The following CPED1 variants were observed in gnomAD, a reference collection of about 807,000 sequenced individuals.
CPED1 encodes the protein cadherin like and PC-esterase domain containing 1.
In CPED1, 114 loss-of-function variants were observed where a neutral mutation model predicts 128.2. That is an observed-to-expected ratio of 0.89 (90% CI 0.76 to 1.04). The LOEUF (loss-of-function observed/expected upper bound fraction) is 1.04. CPED1 is among the 50% of genes least tolerant of loss of function. The pLI is 0.00. For synonymous variants in CPED1, 462 were observed against 426.7 expected (o/e 1.08, Z -1.02); for missense variants, 1,211 against 1,207.1 (o/e 1.00, Z -0.05).
chr7:121,189,187 A>T (rs1797070753), intron 16 of CPED1, among the ~76,000 whole-genome samples: 1 of 152,158 alleles, frequency 6.6e-6, no homozygotes, highest in African/African-American at 2.4e-5. Context: ...GATGAAGGAT[A>T]CTTTGAAGCC....
chr7:121,163,447 A>AGT (rs1243294932), intron 16 of CPED1, among the ~76,000 whole-genome samples: 9 of 152,334 alleles, frequency 5.9e-5, no homozygotes, highest in Admixed American at 1.3e-4. Context: ...CTGCAGGCAA[A>AGT]GTACCACCCC....
chr7:121,151,354 TAAG>T (rs1796154114), intron 16 of CPED1, among the ~76,000 whole-genome samples: 1 of 152,184 alleles, frequency 6.6e-6, no homozygotes, highest in South Asian at 2.1e-4. Flanking sequence ...ACACACATAA[TAAG>T]GACAGTTTCA....
chr7:121,182,901 T>A (rs540516680), intron 16 of CPED1, among the ~76,000 whole-genome samples: 61 of 152,204 alleles, frequency 4.0e-4, no homozygotes, highest in African/African-American at 1.5e-3. Context: ...AATATTAGTT[T>A]CCTCCTTTTT....
At chr7:121,185,564 G>A (rs1465172586) in intron 16 of CPED1, among the ~76,000 whole-genome samples, 1 of 152,100 alleles carries the variant, frequency 6.6e-6, no homozygotes, top group African/African-American at 2.4e-5. Flanking sequence ...TTAAGCTGTG[G>A]AATCAATAAG....
intron 2 of CPED1, among the ~76,000 whole-genome samples, chr7:121,006,878 CAGAAAAG>C (rs1792029361): frequency 6.6e-6 from 1 of 151,908 alleles, no homozygotes; most frequent in South Asian, 2.1e-4. Flanking sequence ...GATACTTTTT[CAGAAAAG>C]AGAAAAGGGA....
intron 16 of CPED1, among the ~76,000 whole-genome samples, chr7:121,174,544 C>A (rs958259563): frequency 1.3e-5 from 2 of 151,270 alleles, no homozygotes; most frequent in African/African-American, 4.9e-5. Context: ...GGTGTGCAGT[C>A]CTATTTCTGG....
In CPED1 at chr7:121,100,023, C is replaced by A; in HGVS notation, c.847C>A (p.Pro283Thr). 6.2e-7 allele frequency: 1 copy of A among 1,613,566 alleles called. No individual in the cohort carries two copies. Among genetic ancestry groups the A allele is most frequent in the Non-Finnish European group, 8.5e-7 (1 of 1,179,790 alleles). Residue 283 changes from proline (P) to threonine (T), a missense_variant, in exon 7 of 23, where the codon CCT (proline) becomes ACT (threonine). Transcript: ENST00000310396. ...GTATGTGTTGGTGACGTCCTTAACC[C>A]CTTTGCGTGCATTCATTCATTCGAC... The part of the protein sequence containing the change: ...KAYVLVTSLT[P>T]LRAFIHSTGT...
intron 5 of CPED1, among the ~76,000 whole-genome samples, chr7:121,074,514 T>TTTTTG (rs1474644542): frequency 7.6e-5 from 10 of 131,802 alleles, no homozygotes; most frequent in African/African-American, 3.4e-4. Context: ...TTTGTGTTTT[T>TTTTTG]TTTTTTTTTT....
chr7:121,231,032 G>A (rs551610257), intron 16 of CPED1, among the ~76,000 whole-genome samples: 51 of 152,102 alleles, frequency 3.4e-4, no homozygotes, highest in African/African-American at 1.0e-3. Context: ...TTTGGGAGTC[G>A]TGATCATTCA....
At chr7:121,128,821 AGTTATTTCTGCTTATTATCCCCTT>A (rs959432098) in intron 11 of CPED1, among the ~76,000 whole-genome samples, 2 of 152,106 alleles carry the variant, frequency 1.3e-5, no homozygotes, top group Admixed American at 1.3e-4. Context: ...TGCAACCAAA[AGTTATTTCTGCTTATTATCCCCTT>A]GTTATTTCTG....
intron 16 of CPED1, among the ~76,000 whole-genome samples, chr7:121,167,189 T>C (rs1042597741): frequency 6.6e-6 from 1 of 152,216 alleles, no homozygotes; most frequent in Non-Finnish European, 1.5e-5. Context: ...TCTATGCCCA[T>C]TAAACCTTGT....
intron 16 of CPED1, among the ~76,000 whole-genome samples, chr7:121,176,073 T>C (rs1180720312): frequency 2.0e-5 from 3 of 151,776 alleles, no homozygotes; most frequent in Non-Finnish European, 2.9e-5. Context: ...TGTAAATTAC[T>C]TGAGGAATTA....
chr7:121,133,908 A>G lies in CPED1; in HGVS notation c.1648+15A>G. ...AAATAAAAAAGGTAAAAATATAGAT[A>G]TTCCCACTTATTTCAACATAAAAAT... On this transcript the variant is annotated intron_variant, in intron 13 of 22. Transcript: ENST00000310396. The G allele has an allele frequency of 7.2e-7, 1 of 1,389,378 alleles. No homozygotes were observed. The highest frequency in any genetic ancestry group is 1.0e-6 in the Non-Finnish European group (1 of 995,372). The allele number at this position is 1,389,378 out of a possible 1,614,324, so 86.1% of individuals were successfully genotyped here.
intron 16 of CPED1, among the ~76,000 whole-genome samples, chr7:121,231,535 A>T (rs1298023556): frequency 2.0e-5 from 3 of 152,074 alleles, no homozygotes; most frequent in African/African-American, 7.2e-5. Flanking sequence ...GTACTGAGAG[A>T]CCATCAGGAA....
rs79023914 is a variant in CPED1 at position 121,104,738 on chromosome 7, G to A, written c.918+4644G>A. 7.3e-3 allele frequency among the ~76,000 whole-genome samples: 1,116 copies of A among 152,082 alleles called. 16 individuals are homozygous for A. The highest frequency in any genetic ancestry group is 0.025 in the African/African-American group (1,029 of 41,502). ...GAAGATGATTCCTTGCATATAATCA[G>A]CTCCCTATAAATGTCTCTTCGATTG... On this transcript the variant is annotated intron_variant, in intron 7 of 22. Coordinates refer to ENST00000310396, the MANE Select transcript of CPED1 (RefSeq NM_024913.5).
Position 121,275,378 on chromosome 7 carries a change from C to T in CPED1, c.2868+3948C>T, listed in dbSNP as rs530732641. Reference sequence around the variant, plus strand: ...TCTTTTTATGAGTGGAAATGGATTACGTTTTCCTAGTGTTTACATAGGACA... The same window carrying T: ...TCTTTTTATGAGTGGAAATGGATTATGTTTTCCTAGTGTTTACATAGGACA... On this transcript the variant is annotated intron_variant, in intron 22 of 22. Coordinates refer to ENST00000310396, the MANE Select transcript of CPED1 (RefSeq NM_024913.5). 1.1e-4 allele frequency among the ~76,000 whole-genome samples: 17 copies of T among 152,162 alleles called. No homozygotes were observed. In the South Asian group the frequency reaches 1.9e-3, roughly 17 times the overall value.
intron 2 of CPED1, 43 bp from the exon 3 acceptor site, chr7:121,015,621 TG>T: frequency 1.3e-6 from 2 of 1,528,198 alleles, no homozygotes; most frequent in Middle Eastern, 1.7e-4. Flanking sequence ...TCAAGGGAAA[TG>T]TACTACTTTT....
At chr7:121,052,385 C>T (rs1383707946) in intron 4 of CPED1, among the ~76,000 whole-genome samples, 1 of 152,204 alleles carries the variant, frequency 6.6e-6, no homozygotes, top group Non-Finnish European at 1.5e-5. Flanking sequence ...CTTCCCGTGA[C>T]TCTTTTGTCC....
intron 3 of CPED1, among the ~76,000 whole-genome samples, chr7:121,026,530 G>T (rs1792586715): frequency 6.6e-6 from 1 of 152,076 alleles, no homozygotes; most frequent in Non-Finnish European, 1.5e-5. Context: ...CCCTGCTATA[G>T]CCATGGTTCT....
Sources: allele counts gnomAD v4.1 joint callset (sites outside exome capture counted in the v4.1 genomes callset), GRCh38; gene constraint gnomAD v4.1.1; transcripts MANE v1.5; gene names NCBI Gene and HGNC (gene_info 2026-07-23, HGNC 2026-07-21).